Variants in NAV2 observed in about 807,000 individuals in gnomAD.
The protein encoded by NAV2 is neuron navigator 2, also known as helicase, APC down-regulated 1.
In NAV2, 54 loss-of-function variants were observed where a neutral mutation model predicts 223.2. The observed-to-expected ratio is 0.24, with a 90% CI of 0.19 to 0.30. NAV2 has a LOEUF of 0.30. Ranked by LOEUF, NAV2 falls within the 10% of genes least tolerant of loss-of-function variation. The pLI, the probability that NAV2 is intolerant of heterozygous loss-of-function variation, is 1.00. For synonymous variants in NAV2, 1,279 were observed against 1,239.3 expected (o/e 1.03, Z -0.67); for missense variants, 2,806 against 3,147.5 (o/e 0.89, Z 2.60).
In NAV2 at chr11:19,934,124, C is replaced by G. The variant is rs139081933; in HGVS notation, c.1880C>G (p.Thr627Ser). Residue 627 changes from threonine to serine, a missense_variant, in exon 7 of 38, where the codon ACC (threonine) becomes AGC (serine). By Grantham distance (58) the Thr-to-Ser change is moderately conservative. Transcript: ENST00000349880. ...ASSEGKGPGG[T>S]TLNHSISSQT... ...TCAGAAGGAAAAGGCCCAGGAGGGA[C>G]CACCCTGAACCACAGCATCAGCAGC... 749 of 1,614,142 alleles carry G rather than the reference C, an allele frequency of 4.6e-4. 3 individuals are homozygous for G. The African/African-American group carries it at 9.3e-3, about 20-fold the overall frequency.
intron 1 of NAV2, among the ~76,000 whole-genome samples, chr11:19,466,124 A>G (rs2133894240): frequency 6.6e-6 from 1 of 152,308 alleles, no homozygotes; most frequent in East Asian, 1.9e-4. Context: ...TGTGTTTGAT[A>G]TTTTATTTAA....
intron 1 of NAV2, among the ~76,000 whole-genome samples, chr11:19,501,110 C>G (rs2042950177): frequency 6.6e-6 from 1 of 152,112 alleles, no homozygotes; most frequent in South Asian, 2.1e-4. Flanking sequence ...GCAACCTTGC[C>G]TCTCTCTGAA....
chr11:20,005,178 A>G (rs968352472), intron 11 of NAV2, among the ~76,000 whole-genome samples: 27 of 152,036 alleles, frequency 1.8e-4, no homozygotes, highest in African/African-American at 6.3e-4. Flanking sequence ...GCCACACGAT[A>G]GAAGTTCAAT....
chr11:19,887,261 A>G (rs933721263), intron 5 of NAV2, among the ~76,000 whole-genome samples: 3 of 152,112 alleles, frequency 2.0e-5, no homozygotes, highest in African/African-American at 7.2e-5. Context: ...GGAGGGGCGT[A>G]TGGAGGGAAT....
chr11:19,663,338 A>G (rs2048336726), intron 1 of NAV2, among the ~76,000 whole-genome samples: 1 of 152,196 alleles, frequency 6.6e-6, no homozygotes, highest in Non-Finnish European at 1.5e-5. Flanking sequence ...TATATACATT[A>G]TCTGATTTTA....
intron 1 of NAV2, among the ~76,000 whole-genome samples, chr11:19,487,377 T>C (rs1463220750): frequency 1.3e-5 from 2 of 152,200 alleles, no homozygotes; most frequent in African/African-American, 2.4e-5. Flanking sequence ...ACGTTTCCAA[T>C]GATCCCTGCC....
intron 1 of NAV2, among the ~76,000 whole-genome samples, chr11:19,609,071 T>C (rs542099912): frequency 1.3e-5 from 2 of 152,336 alleles, no homozygotes; most frequent in East Asian, 3.9e-4. Context: ...TATTTTAAGA[T>C]CCTTAATTTA....
intron 1 of NAV2, among the ~76,000 whole-genome samples, chr11:19,633,719 T>C (rs926821016): frequency 1.3e-5 from 2 of 152,228 alleles, no homozygotes; most frequent in African/African-American, 4.8e-5. Flanking sequence ...GCCTCCTATC[T>C]CTGCAGGGTC....
chr11:20,092,966 T>TGGGGGGGGGGGG, intron 28 of NAV2, 133 bp from the exon 29 acceptor site: 1 of 285,924 alleles, frequency 3.5e-6, no homozygotes, highest in Non-Finnish European at 7.2e-6. Flanking sequence ...CCCTCTCCTC[T>TGGGGGGGGGGGG]TCCCCTACCC....
intron 1 of NAV2, among the ~76,000 whole-genome samples, chr11:19,812,153 C>A (rs773292801): frequency 6.6e-6 from 1 of 152,090 alleles, no homozygotes; most frequent in East Asian, 1.9e-4. Context: ...GCTGCCACCC[C>A]CCACAATTTC....
intron 19 of NAV2, among the ~76,000 whole-genome samples, chr11:20,057,248 C>T (rs140449424): frequency 2.4e-4 from 37 of 152,300 alleles, no homozygotes; most frequent in African/African-American, 8.2e-4. Flanking sequence ...ACACAAGGCA[C>T]AGGATTCTGC....
intron 22 of NAV2, among the ~76,000 whole-genome samples, chr11:20,070,017 AC>A (rs1294865872): frequency 6.6e-6 from 1 of 152,064 alleles, no homozygotes; most frequent in East Asian, 1.9e-4. Flanking sequence ...TTTTTTAAAA[AC>A]CCTAACGTAG....
intron 1 of NAV2, among the ~76,000 whole-genome samples, chr11:19,411,025 C>T (rs971159162): frequency 6.6e-6 from 1 of 152,218 alleles, no homozygotes; most frequent in Non-Finnish European, 1.5e-5. Flanking sequence ...CCCCTATCTC[C>T]CTTTTCTTTT....
chr11:19,446,957 C>T (rs1312512079), intron 1 of NAV2, among the ~76,000 whole-genome samples: 1 of 152,174 alleles, frequency 6.6e-6, no homozygotes, highest in Non-Finnish European at 1.5e-5. Context: ...TTCTACTTCT[C>T]TCCAAGGAGG....
chr11:19,442,068 T>G (rs760255087), intron 1 of NAV2, among the ~76,000 whole-genome samples: 18 of 152,322 alleles, frequency 1.2e-4, no homozygotes, highest in East Asian at 1.2e-3. Context: ...TGGGAACCAC[T>G]GGCTCAGGCC....
At chr11:19,784,388 TAAAAAAAAAAAAAA>T (rs1162911472) in intron 1 of NAV2, among the ~76,000 whole-genome samples, 5 of 50,948 alleles carry the variant, frequency 9.8e-5, no homozygotes, top group African/African-American at 4.6e-4. Context: ...AGCTCCATCT[TAAAAAAAAAAAAAA>T]AAAAAAAAAA....
At chr11:20,095,486 C>T (rs1000954016) in intron 29 of NAV2, among the ~76,000 whole-genome samples, 186 bp from the exon 30 acceptor site, 1 of 152,144 alleles carries the variant, frequency 6.6e-6, no homozygotes, top group African/African-American at 2.4e-5. Flanking sequence ...GCTGTTTTAG[C>T]AGTAAAGCAG....
intron 6 of NAV2, 65 bp downstream of exon 6, chr11:19,892,659 C>T (rs769622263): frequency 2.5e-4 from 387 of 1,543,044 alleles, no homozygotes; most frequent in Middle Eastern, 7.1e-4. Context: ...CTAGTTCCTT[C>T]GGGTGAATTG....
chr11:19,654,103 A>T (rs901651868), intron 1 of NAV2, among the ~76,000 whole-genome samples: 30 of 152,240 alleles, frequency 2.0e-4, no homozygotes, highest in African/African-American at 5.3e-4. Flanking sequence ...AATAACAGAC[A>T]AACAGAGAGC....
Sources: gnomAD v4.1 joint callset for allele counts (sites outside exome capture counted in the v4.1 genomes callset) on GRCh38, gnomAD v4.1.1 for gene constraint, MANE v1.5 for transcripts, NCBI Gene and HGNC (gene_info 2026-07-23, HGNC 2026-07-21) for gene names.